ENAH: variants seen among roughly 807,000 people sequenced by gnomAD.
The protein encoded by ENAH is ENAH actin regulator, also known as protein enabled homolog.
ENAH carries 23 observed loss-of-function variants against 78.7 expected under a neutral mutation model. That is an observed-to-expected ratio of 0.29 (90% CI 0.21 to 0.41). The LOEUF (loss-of-function observed/expected upper bound fraction) is 0.41. Ranked by LOEUF, ENAH falls within the 10% of genes least tolerant of loss-of-function variation. The pLI, the probability that ENAH is intolerant of heterozygous loss-of-function variation, is 1.00. For synonymous variants in ENAH, 226 were observed against 241.0 expected (o/e 0.94, Z 0.58); for missense variants, 544 against 691.0 (o/e 0.79, Z 2.39).
rs145780370 is a variant in ENAH at position 225,583,878 on chromosome 1, C to A, written c.6-16464G>T. Among the ~76,000 whole-genome samples the A allele has an allele frequency of 6.5e-4, 98 of 151,892 alleles. 1 individual carries two copies. In the East Asian group the frequency reaches 0.013, roughly 21 times the overall value. On this transcript the variant is annotated intron_variant, in intron 1 of 13. Coordinates refer to ENST00000366843, the MANE Select transcript of ENAH (RefSeq NM_018212.6). ...TCAAAAATGGTAAATGTAGGCCGGG[C>A]ACAGTGGCTCGCACCTGTAATCCCA...
chr1:225,552,185 G>A (rs149560180), intron 3 of ENAH, among the ~76,000 whole-genome samples: 6,142 of 134,822 alleles, frequency 0.046, 199 homozygotes, highest in South Asian at 0.11. Flanking sequence ...CGCCCAGGCT[G>A]GAGAGCAGTG....
rs74228693 is a variant in ENAH, at chr1:225,634,852, C to T, written c.5+17834G>A. Among the ~76,000 whole-genome samples the T allele has an allele frequency of 6.0e-4, 91 of 152,232 alleles. No homozygotes were observed. The East Asian group carries it at 0.017, about 29-fold the overall frequency. ...TAACTGCAAAGTTAAGTTTTGAAAT[C>T]GGGAAGTGTCTCCTCCAACTCTGTT... On this transcript the variant is annotated intron_variant, in intron 1 of 13. Coordinates refer to ENST00000366843, the MANE Select transcript of ENAH (RefSeq NM_018212.6).
upstream of ENAH, among the ~76,000 whole-genome samples, chr1:225,653,455 G>A (rs1663445092): frequency 7.8e-6 from 1 of 127,436 alleles, no homozygotes; most frequent in South Asian, 2.9e-4. This position sits in a 1 kb window ranked among gnomAD's most constrained non-coding sequence, Gnocchi z 4.3. Flanking sequence ...GTTGTCGGCC[G>A]GGGTTCCTCG....
chr1:225,642,216 A>G (rs192714768), intron 1 of ENAH, among the ~76,000 whole-genome samples: 1 of 151,784 alleles, frequency 6.6e-6, no homozygotes, highest in East Asian at 1.9e-4. Flanking sequence ...CAGGAAAAAA[A>G]AAAAAAAAAA....
intron 3 of ENAH, among the ~76,000 whole-genome samples, chr1:225,537,316 T>G (rs1472799845): frequency 1.3e-5 from 2 of 152,190 alleles, no homozygotes; most frequent in Non-Finnish European, 2.9e-5. Flanking sequence ...CAATAAAAAA[T>G]TCCCAGTCTT....
chr1:225,635,711 A>ACTC (rs1237385559), intron 1 of ENAH, among the ~76,000 whole-genome samples: 1 of 152,206 alleles, frequency 6.6e-6, no homozygotes, highest in African/African-American at 2.4e-5. Flanking sequence ...AGGTCACACC[A>ACTC]GAGTAGAGTG....
intron 1 of ENAH, among the ~76,000 whole-genome samples, chr1:225,637,592 G>A (rs1231297386): frequency 1.3e-5 from 2 of 152,256 alleles, no homozygotes; most frequent in Non-Finnish European, 2.9e-5. Flanking sequence ...CAGATCTAGG[G>A]GGAGAACTTA....
At chr1:225,540,338 A>G (rs535885612) in intron 3 of ENAH, among the ~76,000 whole-genome samples, 43 of 152,232 alleles carry the variant, frequency 2.8e-4, no homozygotes, top group Non-Finnish European at 4.7e-4. Context: ...ATCCACATGT[A>G]AAAAACTGAA....
intron 2 of ENAH, among the ~76,000 whole-genome samples, chr1:225,563,415 G>A (rs1339600988): frequency 6.6e-6 from 1 of 152,112 alleles, no homozygotes; most frequent in Non-Finnish European, 1.5e-5. Flanking sequence ...TAAGATACCT[G>A]CTGTATGCTT....
intron 1 of ENAH, among the ~76,000 whole-genome samples, chr1:225,614,148 T>A (rs1260292168): frequency 1.3e-5 from 2 of 151,942 alleles, no homozygotes; most frequent in African/African-American, 4.8e-5. Flanking sequence ...AACCTCCACC[T>A]ACTGGGTTCA....
intron 1 of ENAH, among the ~76,000 whole-genome samples, chr1:225,585,422 T>C (rs962965910): frequency 2.0e-5 from 3 of 152,076 alleles, no homozygotes; most frequent in Non-Finnish European, 4.4e-5. Context: ...ACATAATAAC[T>C]GCAGAATACA....
At chr1:225,502,118 T>G (rs1479827955) in intron 11 of ENAH, among the ~76,000 whole-genome samples, 4 of 152,228 alleles carry the variant, frequency 2.6e-5, no homozygotes, top group African/African-American at 9.6e-5. Context: ...TTTTCAAAGT[T>G]ATAATTTATA....
intron 1 of ENAH, among the ~76,000 whole-genome samples, chr1:225,582,829 A>G (rs2096825767): frequency 6.6e-6 from 1 of 152,220 alleles, no homozygotes; most frequent in Non-Finnish European, 1.5e-5. Context: ...ACATATTAAT[A>G]TGTGTAAGAG....
intron 1 of ENAH, among the ~76,000 whole-genome samples, chr1:225,619,619 G>A (rs1656439614): frequency 6.6e-6 from 1 of 152,166 alleles, no homozygotes; most frequent in South Asian, 2.1e-4. Context: ...GGGGAAGGAG[G>A]ATGACTATAG....
intron 1 of ENAH, among the ~76,000 whole-genome samples, chr1:225,574,472 C>T (rs935792290): frequency 2.0e-5 from 3 of 151,946 alleles, no homozygotes; most frequent in Non-Finnish European, 4.4e-5. Flanking sequence ...CATGGTGCCT[C>T]GTGCCTGTAG....
chr1:225,620,632 T>G (rs1443296392), intron 1 of ENAH, among the ~76,000 whole-genome samples: 2 of 152,200 alleles, frequency 1.3e-5, no homozygotes, highest in African/African-American at 2.4e-5. Context: ...GGAGCCTCAA[T>G]CTCAGCCTGC....
At chr1:225,544,810 T>A (rs946114526) in intron 3 of ENAH, among the ~76,000 whole-genome samples, 1 of 152,184 alleles carries the variant, frequency 6.6e-6, no homozygotes, top group Non-Finnish European at 1.5e-5. Context: ...CATATATGAA[T>A]ATGTAATTCA....
chr1:225,513,311 T>A (rs1447674169), intron 7 of ENAH, among the ~76,000 whole-genome samples: 1 of 152,128 alleles, frequency 6.6e-6, no homozygotes, highest in Non-Finnish European at 1.5e-5. Flanking sequence ...AACCCCTGCA[T>A]AACTAGAATC....
At chr1:225,613,569 C>A (rs958763851) in intron 1 of ENAH, among the ~76,000 whole-genome samples, 1 of 152,022 alleles carries the variant, frequency 6.6e-6, no homozygotes, top group Admixed American at 6.6e-5. Context: ...ACAACTAGAT[C>A]AACAAACAAC....
Sources: allele counts gnomAD v4.1 joint callset (sites outside exome capture counted in the v4.1 genomes callset), GRCh38; gene constraint gnomAD v4.1.1; non-coding constraint Gnocchi (gnomAD v3.1); transcripts MANE v1.5; gene names NCBI Gene and HGNC (gene_info 2026-07-23, HGNC 2026-07-21).